Variants in DGKB observed in about 807,000 individuals in gnomAD.
DGKB encodes 90 kDa diacylglycerol kinase.
In DGKB, 67 loss-of-function variants were observed where a neutral mutation model predicts 114.3. The ratio of observed to expected loss-of-function variants is 0.59; its 90% CI spans 0.48 to 0.72. The LOEUF (loss-of-function observed/expected upper bound fraction) is 0.72, where lower values mean the gene tolerates loss of function less well. Ranked by LOEUF, DGKB falls within the 30% of genes least tolerant of loss-of-function variation. DGKB has a pLI of 0.00. For synonymous variants in DGKB, 398 were observed against 323.1 expected, an observed-to-expected ratio of 1.23 and a Z score of -2.49; for missense variants, 907 against 975.2, an observed-to-expected ratio of 0.93 and a Z score of 0.93.
chr7:14,477,592 T>C (rs978105496), intron 21 of DGKB, among the ~76,000 whole-genome samples: 1 of 152,190 alleles, frequency 6.6e-6, no homozygotes, highest in African/African-American at 2.4e-5. Flanking sequence ...TGAAGGTCAA[T>C]GTCTACATTT....
At chr7:14,599,665 T>G (rs899492314) in intron 17 of DGKB, among the ~76,000 whole-genome samples, 1 of 152,188 alleles carries the variant, frequency 6.6e-6, no homozygotes, top group African/African-American at 2.4e-5. Flanking sequence ...TTTCCATCAC[T>G]AAAATATAAG....
chr7:14,701,765 G>A, intron 6 of DGKB, 35 bp from the exon 7 acceptor site: 1 of 1,427,094 alleles, frequency 7.0e-7, no homozygotes, highest in Non-Finnish European at 9.9e-7. Context: ...CAAGATTATA[G>A]GCAAATAAGA....
intron 21 of DGKB, among the ~76,000 whole-genome samples, chr7:14,380,554 C>T (rs1290963060): frequency 6.7e-6 from 1 of 149,968 alleles, no homozygotes; most frequent in African/African-American, 2.5e-5. Context: ...TATATACCAG[C>T]TCTACACATC....
chr7:14,864,914 A>G (rs755034514), intron 1 of DGKB, among the ~76,000 whole-genome samples: 13 of 152,180 alleles, frequency 8.5e-5, no homozygotes, highest in Admixed American at 2.0e-4. Context: ...CATTTTCCAG[A>G]CAGAATTCTG....
intron 21 of DGKB, among the ~76,000 whole-genome samples, chr7:14,352,254 T>A (rs1813595673): frequency 6.6e-6 from 1 of 152,198 alleles, no homozygotes; most frequent in African/African-American, 2.4e-5. Flanking sequence ...AAACTTTTTT[T>A]ATATGTAAGT....
chr7:14,416,091 A>G (rs1180989677), intron 21 of DGKB, among the ~76,000 whole-genome samples: 2 of 151,978 alleles, frequency 1.3e-5, no homozygotes, highest in Non-Finnish European at 2.9e-5. Flanking sequence ...GTCTGTTCAT[A>G]TACTTCGCCC....
At chr7:14,371,075 G>T (rs1817555679) in intron 21 of DGKB, among the ~76,000 whole-genome samples, 1 of 152,070 alleles carries the variant, frequency 6.6e-6, no homozygotes, top group South Asian at 2.1e-4. Flanking sequence ...ACCACAGATG[G>T]GCACCTAGGT....
At chr7:14,274,864 C>T (rs1202105233) in intron 23 of DGKB, among the ~76,000 whole-genome samples, 2 of 151,988 alleles carry the variant, frequency 1.3e-5, no homozygotes, top group Admixed American at 6.6e-5. Flanking sequence ...TCTAAAAGGC[C>T]TCACCTCTAA....
intron 19 of DGKB, among the ~76,000 whole-genome samples, chr7:14,579,012 T>G (rs553400237): frequency 6.6e-6 from 1 of 152,270 alleles, no homozygotes; most frequent in African/African-American, 2.4e-5. Flanking sequence ...CACAGGGAGC[T>G]ATTTCTCCTC....
In DGKB at chr7:14,306,141, C is replaced by A. The variant is rs140545798; in HGVS notation, c.2122+32374G>T. On this transcript the variant is annotated intron_variant, in intron 23 of 25. Transcript: ENST00000402815. The stretch of plus-strand genomic sequence containing the variant: ...GCAGCTAAAATTCTTGAGTAGCTAT[C>A]TACTTATTTGGACTAATTTAATTTT... Among the ~76,000 whole-genome samples the A allele has an allele frequency of 2.1e-3, 315 of 151,978 alleles. 3 individuals carry two copies. The highest frequency in any genetic ancestry group is 7.3e-3 in the African/African-American group (302 of 41,470).
chr7:14,573,467 C>G lies in DGKB; in HGVS notation c.1770+745G>C, dbSNP rs923251550. Among the ~76,000 whole-genome samples the G allele has an allele frequency of 7.6e-5, 11 of 145,596 alleles. 2 individuals are homozygous for G. The South Asian group carries it at 1.8e-3, about 24-fold the overall frequency. On this transcript the variant is annotated intron_variant, in intron 20 of 25. Transcript: ENST00000402815. ...CTACTAGCCTTTTTATAATCTATCT[C>G]TGTGTGTGTGTGTGTGTGTGTGTGT...
intron 23 of DGKB, among the ~76,000 whole-genome samples, chr7:14,258,083 G>A (rs907347567): frequency 6.6e-6 from 1 of 152,160 alleles, no homozygotes; most frequent in Non-Finnish European, 1.5e-5. Flanking sequence ...CTTCATAGCA[G>A]TGTGAGAATG....
chr7:14,440,907 G>GTATTCTGA (rs77516082), intron 21 of DGKB, among the ~76,000 whole-genome samples: 14,005 of 152,036 alleles, frequency 0.092, 733 homozygotes, highest in East Asian at 0.21. Flanking sequence ...ACCATTTTTA[G>GTATTCTGA]TATTCTGATA....
intron 23 of DGKB, among the ~76,000 whole-genome samples, chr7:14,331,087 A>G (rs1181520039): frequency 6.6e-6 from 1 of 152,004 alleles, no homozygotes; most frequent in African/African-American, 2.4e-5. Context: ...CTTATTAAGC[A>G]TATGCTATTA....
chr7:14,518,903 A>G (rs1789285304), intron 20 of DGKB, among the ~76,000 whole-genome samples: 1 of 152,044 alleles, frequency 6.6e-6, no homozygotes, highest in Admixed American at 6.6e-5. Context: ...TTCAGTAGGT[A>G]TGGGATAGGG....
intron 21 of DGKB, among the ~76,000 whole-genome samples, chr7:14,356,006 G>C (rs1287843670): frequency 6.6e-6 from 1 of 152,130 alleles, no homozygotes. Flanking sequence ...TTAGTCTTGG[G>C]AGGGTGCATG....
intron 1 of DGKB, among the ~76,000 whole-genome samples, chr7:14,937,657 C>T (rs1426067001): frequency 1.3e-5 from 2 of 152,074 alleles, no homozygotes; most frequent in African/African-American, 2.4e-5. Context: ...TCTCCCTCTT[C>T]CCTGCTCTAA....
chr7:14,744,511 C>A (rs1469353794), intron 4 of DGKB, among the ~76,000 whole-genome samples: 1 of 152,152 alleles, frequency 6.6e-6, no homozygotes, highest in Non-Finnish European at 1.5e-5. Flanking sequence ...ATTCTAGGAA[C>A]CTCAAGAAGA....
chr7:14,344,989 T>G (rs1222083413), intron 22 of DGKB, among the ~76,000 whole-genome samples: 1 of 151,764 alleles, frequency 6.6e-6, no homozygotes, highest in African/African-American at 2.4e-5. Flanking sequence ...TGCAACTTTT[T>G]TCTTCCCAAC....
Sources: allele counts gnomAD v4.1 joint callset (sites outside exome capture counted in the v4.1 genomes callset), GRCh38; gene constraint gnomAD v4.1.1; transcripts MANE v1.5; gene names NCBI Gene and HGNC (gene_info 2026-07-23, HGNC 2026-07-21).